Variants in NUDT5 observed in about 807,000 individuals in gnomAD.
NUDT5 encodes ADP-sugar pyrophosphatase.
A neutral mutation model predicts 34.1 loss-of-function variants in NUDT5; 21 were observed. The observed-to-expected ratio is 0.62, with a 90% CI of 0.44 to 0.89. NUDT5 has a LOEUF of 0.89. Among genes scored for constraint, NUDT5 ranks in the 40% least tolerant of loss-of-function variants. The pLI, the probability that NUDT5 is intolerant of heterozygous loss-of-function variation, is 0.00. For missense variants in NUDT5, 249 were observed against 274.8 expected, an observed-to-expected ratio of 0.91 and a Z score of 0.66; for synonymous variants, 85 against 97.6, an observed-to-expected ratio of 0.87 and a Z score of 0.76.
intron 1 of NUDT5, among the ~76,000 whole-genome samples, chr10:12,191,545 A>G (rs1835231272): frequency 6.6e-6 from 1 of 152,196 alleles, no homozygotes; most frequent in African/African-American, 2.4e-5. Flanking sequence ...CCAACAAAGC[A>G]CACAAAGCTA....
At chr10:12,176,484 A>C (rs983474338) in intron 5 of NUDT5, among the ~76,000 whole-genome samples, 1 of 151,518 alleles carries the variant, frequency 6.6e-6, no homozygotes, top group Non-Finnish European at 1.5e-5. Context: ...CATGCCTATA[A>C]TCCCAGCTAC....
In NUDT5 at chr10:12,169,585, G is replaced by T; in HGVS notation, c.550+1132C>A. On this transcript the variant is annotated intron_variant, in intron 9 of 9. Coordinates refer to ENST00000491614, the MANE Select transcript of NUDT5 (RefSeq NM_014142.4). The surrounding 1 kb of genome is among the most constrained non-coding windows in gnomAD (Gnocchi z 4.8). The stretch of plus-strand genomic sequence containing the variant: ...CCAGATAAACTATTGTATCTATTCA[G>T]TATGATTGTTCTAACTCTGGCTTTG... 1 of 375,442 alleles carries T rather than the reference G, an allele frequency of 2.7e-6. No homozygotes were observed. 23.3% of individuals were successfully genotyped at this position (375,442 alleles called of 1,614,324 possible). A position where few individuals can be genotyped will look rare whatever the true frequency, so the allele number is the denominator to read the frequency against.
In NUDT5 at chr10:12,182,768, G is replaced by A. The variant is rs889388331; in HGVS notation, c.131+2121C>T. On this transcript the variant is annotated intron_variant, in intron 3 of 9. Coordinates refer to ENST00000491614, the MANE Select transcript of NUDT5 (RefSeq NM_014142.4). This position sits in a 1 kb window ranked among gnomAD's most constrained non-coding sequence, Gnocchi z 4.3. ...TTTTTATTTTTTGAGATGGAGTCTC[G>A]CTCTGTCGCCCAGGCTGGAGTACAG... is the stretch of plus-strand genomic sequence containing the variant. 6.6e-6 allele frequency among the ~76,000 whole-genome samples: 1 copy of A among 152,248 alleles called. No homozygotes were observed. The highest frequency in any genetic ancestry group is 1.9e-4 in the East Asian group (1 of 5,180).
In NUDT5 at chr10:12,170,752, G is replaced by T. The variant is rs186776026; in HGVS notation, c.515C>A (p.Ser172Tyr). The T allele has an allele frequency of 5.0e-6, 8 of 1,614,110 alleles. No individual in the cohort carries two copies. The highest frequency in any genetic ancestry group is 6.8e-6 in the Non-Finnish European group (8 of 1,180,008). Residue 172 changes from serine (S) to tyrosine (Y), a missense_variant, in exon 9 of 10, where the codon TCT becomes TAT. Coordinates refer to ENST00000491614, the MANE Select transcript of NUDT5 (RefSeq NM_014142.4). This position sits in a 1 kb window ranked among gnomAD's most constrained non-coding sequence, Gnocchi z 4.9. Reference protein sequence around the residue: ...PGDGEFVEVISLPKNDLLQRL... With the variant: ...PGDGEFVEVIYLPKNDLLQRL... The stretch of plus-strand genomic sequence containing the variant: ...CTGCAGCAGGTCATTCTTGGGTAAA[G>T]AAATGACTTCCACAAACTCTAAACA...
chr10:12,172,930 GGAA>G (rs1305165752), intron 6 of NUDT5, 64 bp from the exon 7 acceptor site: 11 of 1,170,448 alleles, frequency 9.4e-6, no homozygotes, highest in East Asian at 7.1e-5. Flanking sequence ...TATGGTCTTA[GGAA>G]GAAGATGCGT....
chr10:12,193,363 G>T (rs1167931670), intron 1 of NUDT5, among the ~76,000 whole-genome samples: 1 of 152,172 alleles, frequency 6.6e-6, no homozygotes, highest in Admixed American at 6.5e-5. Context: ...CTTAATCTAG[G>T]ATGATTAGTC....
Position 12,170,263 on chromosome 10 carries a change from G to A in NUDT5, c.550+454C>T. On this transcript the variant is annotated intron_variant, in intron 9 of 9. Coordinates refer to ENST00000491614, the MANE Select transcript of NUDT5 (RefSeq NM_014142.4). This position sits in a 1 kb window ranked among gnomAD's most constrained non-coding sequence, Gnocchi z 4.9. ...TTATGTGAAAAGCATATCACACGGAGTATACAGGAAATACCTCAAGTATTT... is the reference window on the plus strand; with the variant it reads ...TTATGTGAAAAGCATATCACACGGAATATACAGGAAATACCTCAAGTATTT... 1 of 1,434,380 alleles carries A rather than the reference G, an allele frequency of 7.0e-7. No individual in the cohort carries two copies. Among genetic ancestry groups the A allele is most frequent in the Non-Finnish European group, 9.8e-7 (1 of 1,020,568 alleles). 88.9% of individuals were successfully genotyped at this position (1,434,380 alleles called of 1,614,324 possible). A position where few individuals can be genotyped will look rare whatever the true frequency, so the allele number is the denominator to read the frequency against.
rs1834819061 is a variant in NUDT5 at position 12,169,999 on chromosome 10, C to T, written c.550+718G>A. 3.0e-5 allele frequency: 27 copies of T among 894,466 alleles called. No individual in the cohort carries two copies. In the East Asian group the frequency reaches 6.3e-4, roughly 21 times the overall value. 55.4% of individuals were successfully genotyped at this position (894,466 alleles called of 1,614,324 possible). ...TTCTAGATGAGTGAAAGGGATTTGCCAGCCCATACAGAGGTGCTCCTTGAA... is the reference window on the plus strand; with the variant it reads ...TTCTAGATGAGTGAAAGGGATTTGCTAGCCCATACAGAGGTGCTCCTTGAA... On this transcript the variant is annotated intron_variant, in intron 9 of 9. Coordinates refer to ENST00000491614, the MANE Select transcript of NUDT5 (RefSeq NM_014142.4). This position sits in a 1 kb window ranked among gnomAD's most constrained non-coding sequence, Gnocchi z 4.8.
chr10:12,175,919 C>T lies in NUDT5; in HGVS notation c.289+1874G>A, dbSNP rs947224018. 5.3e-5 allele frequency among the ~76,000 whole-genome samples: 8 copies of T among 151,994 alleles called. No individual in the cohort carries two copies. Among genetic ancestry groups the T allele is most frequent in the South Asian group, 2.1e-4 (1 of 4,812 alleles). On this transcript the variant is annotated intron_variant, in intron 5 of 9. Transcript: ENST00000491614. The surrounding 1 kb of genome is among the most constrained non-coding windows in gnomAD (Gnocchi z 4.8). The stretch of plus-strand genomic sequence containing the variant: ...AAAAAGTGAGAGAAGAATTTATTCA[C>T]GTTAATATTAAAAGTAATTAAATAG...
Position 12,177,828 on chromosome 10 carries a change from G to C in NUDT5, c.254C>G (p.Pro85Arg). Reference sequence around the variant, plus strand: ...CTCTATGCAGTAGCCCCCCATTGGTGGTCGGAACTGTTTCACCAGAACGAT... The same window carrying C: ...CTCTATGCAGTAGCCCCCCATTGGTCGTCGGAACTGTTTCACCAGAACGAT... The part of the protein sequence containing the change: ...ECIVLVKQFR[P>R]PMGGYCIEFP... The change falls in exon 5 of 10, where the codon CCA becomes CGA. Residue 85 changes from proline to arginine, a missense_variant. Transcript: ENST00000491614. The C allele has an allele frequency of 6.2e-7, 1 of 1,614,082 alleles. No individual in the cohort carries two copies. Among genetic ancestry groups the C allele is most frequent in the Non-Finnish European group, 8.5e-7 (1 of 1,179,950 alleles).
chr10:12,188,689 C>CCACTG (rs1168512371), intron 1 of NUDT5, among the ~76,000 whole-genome samples: 1 of 146,202 alleles, frequency 6.8e-6, no homozygotes, highest in Non-Finnish European at 1.5e-5. Flanking sequence ...TGAGATCGTG[C>CCACTG]CACTGCACTG....
Position 12,167,583 on chromosome 10 carries a change from T to C in NUDT5, c.*119A>G. Reference sequence around the variant, plus strand: ...CCATACCACCACCACATCTGTTCTGTGCTTTTATTTTACGAAAAAGCTAAT... The same window carrying C: ...CCATACCACCACCACATCTGTTCTGCGCTTTTATTTTACGAAAAAGCTAAT... On this transcript the variant is annotated 3_prime_UTR_variant, in exon 10 of 10. Transcript: ENST00000491614. 1 of 939,272 alleles carries C rather than the reference T, an allele frequency of 1.1e-6. No individual in the cohort carries two copies. Among genetic ancestry groups the C allele is most frequent in the Non-Finnish European group, 1.6e-6 (1 of 609,902 alleles). The allele number at this position is 939,272 out of a possible 1,614,324, so 58.2% of individuals were successfully genotyped here.
chr10:12,170,324 C>T lies in NUDT5; in HGVS notation c.550+393G>A. 2.3e-6 allele frequency: 2 copies of T among 880,180 alleles called. No individual in the cohort carries two copies. The highest frequency in any genetic ancestry group is 3.6e-6 in the Non-Finnish European group (2 of 556,160). The allele number at this position is 880,180 out of a possible 1,614,324, so 54.5% of individuals were successfully genotyped here. On this transcript the variant is annotated intron_variant, in intron 9 of 9. Transcript: ENST00000491614. This position sits in a 1 kb window ranked among gnomAD's most constrained non-coding sequence, Gnocchi z 4.9. ...CATCATCAATTTCTCCTTGAACATA[C>T]AGCCTCCACAAAGGACCATCCCTCA...
intron 6 of NUDT5, 126 bp from the exon 7 acceptor site, chr10:12,172,992 A>G: frequency 1.5e-6 from 1 of 670,556 alleles, no homozygotes; most frequent in Non-Finnish European, 2.6e-6. Flanking sequence ...ACTAGTTCTC[A>G]CATTTGGTAG....
rs2131695121 is a variant in NUDT5, at chr10:12,168,579, TA to T, written c.551-769del. Among the ~76,000 whole-genome samples the T allele has an allele frequency of 6.6e-6, 1 of 152,260 alleles. No homozygotes were observed. Among genetic ancestry groups the T allele is most frequent in the South Asian group, 2.1e-4 (1 of 4,824 alleles). On this transcript the variant is annotated intron_variant, in intron 9 of 9. Coordinates refer to ENST00000491614, the MANE Select transcript of NUDT5 (RefSeq NM_014142.4). The surrounding 1 kb of genome is among the most constrained non-coding windows in gnomAD (Gnocchi z 4.8). Reference sequence around the variant, plus strand: ...GGACCTTATTACCACAGGCTTTCATTAAAATTTGTTTCACTCAGATGGAGGT... The same window carrying T: ...GGACCTTATTACCACAGGCTTTCATTAAATTTGTTTCACTCAGATGGAGGT...
intron 1 of NUDT5, among the ~76,000 whole-genome samples, chr10:12,193,314 A>G (rs954638835): frequency 6.6e-6 from 1 of 152,238 alleles, no homozygotes; most frequent in African/African-American, 2.4e-5. Context: ...AGGTGATAGC[A>G]GACATCCAGA....
chr10:12,184,296 C>G (rs938871594), intron 3 of NUDT5, among the ~76,000 whole-genome samples: 2 of 151,982 alleles, frequency 1.3e-5, no homozygotes, highest in Non-Finnish European at 2.9e-5. Flanking sequence ...ATGCCCCCCG[C>G]CCCGGCCCCC....
At chr10:12,184,186 G>A (rs1835086728) in intron 3 of NUDT5, among the ~76,000 whole-genome samples, 1 of 152,094 alleles carries the variant, frequency 6.6e-6, no homozygotes, top group African/African-American at 2.4e-5. Flanking sequence ...CAAGTAGCTG[G>A]GATTACAGGG....
intron 4 of NUDT5, 35 bp from the exon 5 acceptor site, chr10:12,177,935 A>G: frequency 6.6e-7 from 1 of 1,517,450 alleles, no homozygotes; most frequent in Middle Eastern, 1.7e-4. Flanking sequence ...GAAATCCCTA[A>G]TGAGAGGTCA....
Sources: allele counts gnomAD v4.1 joint callset (sites outside exome capture counted in the v4.1 genomes callset), GRCh38; gene constraint gnomAD v4.1.1; non-coding constraint Gnocchi (gnomAD v3.1); transcripts MANE v1.5; gene names NCBI Gene and HGNC (gene_info 2026-07-23, HGNC 2026-07-21).